The following KNL1 variants were observed in gnomAD, a reference collection of about 807,000 sequenced individuals.
KNL1 encodes the protein kinetochore scaffold 1.
A neutral mutation model predicts 201.3 loss-of-function variants in KNL1; 66 were observed. The observed-to-expected ratio is 0.33, with a 90% CI of 0.27 to 0.40. The LOEUF is 0.40. Ranked by LOEUF, KNL1 falls within the 10% of genes least tolerant of loss-of-function variation. KNL1 has a pLI of 1.00. For missense variants in KNL1, 2,815 were observed against 2,690.5 expected, an observed-to-expected ratio of 1.05 and a Z score of -1.02; for synonymous variants, 895 against 899.2, an observed-to-expected ratio of 1.00 and a Z score of 0.08.
chr15:40,620,594 A>G (rs777239474), intron 9 of KNL1, 46 bp from the exon 10 acceptor site: 1 of 1,304,486 alleles, frequency 7.7e-7, no homozygotes, highest in Non-Finnish European at 1.0e-6. Flanking sequence ...TGCCTTTTTA[A>G]AAGTTTGCTT....
chr15:40,630,408 A>G (rs1431299992), intron 13 of KNL1, among the ~76,000 whole-genome samples: 1 of 152,220 alleles, frequency 6.6e-6, no homozygotes, highest in Non-Finnish European at 1.5e-5. Context: ...GAACCAAAAC[A>G]TTCTGAGATT....
At chr15:40,615,283 G>T in intron 7 of KNL1, 58 bp from the exon 8 acceptor site, 1 of 520,368 alleles carries the variant, frequency 1.9e-6, no homozygotes, top group South Asian at 1.9e-5. Flanking sequence ...AGCTGTTATT[G>T]AAAGATTCTT....
At chr15:40,615,464 A>C in intron 8 of KNL1, 86 bp downstream of exon 8, 1 of 356,940 alleles carries the variant, frequency 2.8e-6, no homozygotes, top group East Asian at 1.0e-4. Flanking sequence ...AGAAACCATG[A>C]ACCACGAAAA....
In KNL1 at chr15:40,663,038, A is replaced by G. The variant is rs1175034196; in HGVS notation, c.*850A>G. The G allele has an allele frequency of 5.7e-6, 1 of 175,674 alleles. No individual in the cohort carries two copies. Among genetic ancestry groups the G allele is most frequent in the African/African-American group, 2.4e-5 (1 of 42,114 alleles). The allele number at this position is 175,674 out of a possible 1,614,324, so 10.9% of individuals were successfully genotyped here. A position where few individuals can be genotyped will look rare whatever the true frequency, so the allele number is the denominator to read the frequency against. ...TCTTTTTTTGAAGGCCTTGCTTTTT[A>G]TTCTATGGTGTCTATTATGTTTTCT... is the stretch of plus-strand genomic sequence containing the variant. On this transcript the variant is annotated 3_prime_UTR_variant, in exon 26 of 26. Transcript: ENST00000399668.
rs1892622956 is a variant in KNL1, at chr15:40,623,530, C to T, written c.3266C>T (p.Thr1089Ile). Residue 1089 changes from threonine to isoleucine, a missense_variant, in exon 10 of 26, where the codon ACC (threonine) becomes ATC (isoleucine). Thr to Ile is a moderately conservative substitution (Grantham distance 89). Coordinates refer to ENST00000399668, the MANE Select transcript of KNL1 (RefSeq NM_144508.5). ...SENHKNDMDITQSCMVEIDNE... is the reference protein window; with the variant it reads ...SENHKNDMDIIQSCMVEIDNE... ...AATCATAAAAATGATATGGATATTA[C>T]CCAGAGTTGTATGGTGGAAATAGAT... The T allele has an allele frequency of 1.9e-6, 3 of 1,613,468 alleles. No homozygotes were observed. Among genetic ancestry groups the T allele is most frequent in the Non-Finnish European group, 2.5e-6 (3 of 1,179,816 alleles).
intron 10 of KNL1, 146 bp from the exon 11 acceptor site, chr15:40,627,924 T>G: frequency 1.7e-6 from 1 of 573,742 alleles, no homozygotes; most frequent in Non-Finnish European, 2.9e-6. Context: ...GCTTAAGATG[T>G]TTGTTACTTA....
chr15:40,662,244 G>T lies in KNL1; in HGVS notation c.*56G>T, dbSNP rs1233651676. On this transcript the variant is annotated 3_prime_UTR_variant, in exon 26 of 26. Transcript: ENST00000399668. ...AGAATGTACTTGATATTATTTCAGG[G>T]TCCCATTGCTGTTCAGCCTTTGTTT... is the stretch of plus-strand genomic sequence containing the variant. The T allele has an allele frequency of 2.0e-5, 20 of 977,402 alleles. No individual in the cohort carries two copies. In the East Asian group the frequency reaches 2.2e-4, roughly 11 times the overall value. 60.5% of individuals were successfully genotyped at this position (977,402 alleles called of 1,614,324 possible).
At position 40,662,185 on chromosome 15, in the gene KNL1, C is replaced by T; in HGVS notation, c.6948C>T (p.His2316=). 6.4e-7 allele frequency: 1 copy of T among 1,555,648 alleles called. No individual in the cohort carries two copies. The highest frequency in any genetic ancestry group is 8.9e-7 in the Non-Finnish European group (1 of 1,127,386). ...TGTTTCAGGACTGCCATTTCTACCA[C>T]TAGACCCTTGGACCACCATTGGAAC... ...QDLFQDCHFY[H] is the part of the protein sequence containing the mutation. The change falls in exon 26 of 26, where the codon CAC becomes CAT. Residue 2316 remains histidine, a synonymous_variant. Coordinates refer to ENST00000399668, the MANE Select transcript of KNL1 (RefSeq NM_144508.5).
At chr15:40,605,793 A>G (rs1211199301) in intron 3 of KNL1, among the ~76,000 whole-genome samples, 1 of 152,144 alleles carries the variant, frequency 6.6e-6, no homozygotes, top group Non-Finnish European at 1.5e-5. Context: ...TGATACTAAA[A>G]AATCCAACGA....
rs746654478 is a variant in KNL1 at position 40,622,060 on chromosome 15, G to C, written c.1796G>C (p.Ser599Thr). The change falls in exon 10 of 26, where the codon AGT (serine) becomes ACT (threonine). Residue 599 changes from serine to threonine, a missense_variant. Physicochemically the swap from Ser to Thr is moderately conservative, Grantham distance 58. Coordinates refer to ENST00000399668, the MANE Select transcript of KNL1 (RefSeq NM_144508.5). ...AAYNLAPEST[S>T]ESHSQSKSSS... The stretch of plus-strand genomic sequence containing the variant: ...TATAATCTAGCACCGGAGAGTACCA[G>C]TGAATCTCACTCTCAGAGCAAAAGC... 4 of 1,613,844 alleles carry C rather than the reference G, an allele frequency of 2.5e-6. No homozygotes were observed. In the East Asian group the frequency reaches 6.7e-5, roughly 27 times the overall value.
At chr15:40,606,971 G>A (rs753969171) in intron 4 of KNL1, among the ~76,000 whole-genome samples, 3 of 152,092 alleles carry the variant, frequency 2.0e-5, no homozygotes, top group East Asian at 1.9e-4. Context: ...GTTGCCCCAC[G>A]CTGGTCTTGA....
intron 17 of KNL1, among the ~76,000 whole-genome samples, chr15:40,649,800 A>C (rs1893499466): frequency 6.6e-6 from 1 of 152,034 alleles, no homozygotes; most frequent in African/African-American, 2.4e-5. Flanking sequence ...ACTACATACT[A>C]CGTTCTCTTT....
At position 40,624,184 on chromosome 15, in the gene KNL1, A is replaced by G; in HGVS notation, c.3920A>G (p.Asn1307Ser). 6.2e-7 allele frequency: 1 copy of G among 1,613,970 alleles called. No homozygotes were observed. Among genetic ancestry groups the G allele is most frequent in the Non-Finnish European group, 8.5e-7 (1 of 1,179,940 alleles). ...AGTGATAATTATTCCTGTTTACCAAATGTTATTTCCTGTACTGATAATTTG... is the reference window on the plus strand; with the variant it reads ...AGTGATAATTATTCCTGTTTACCAAGTGTTATTTCCTGTACTGATAATTTG... ...GSSDNYSCLP[N>S]VISCTDNLEG... Residue 1307 changes from asparagine (N) to serine (S), a missense_variant, in exon 10 of 26, where the codon AAT becomes AGT. Asn to Ser is a conservative substitution (Grantham distance 46). Coordinates refer to ENST00000399668, the MANE Select transcript of KNL1 (RefSeq NM_144508.5).
chr15:40,622,515 A>C lies in KNL1; in HGVS notation c.2251A>C (p.Lys751Gln), dbSNP rs1187214406. Residue 751 changes from lysine to glutamine, a missense_variant, in exon 10 of 26, where the codon AAG (lysine) becomes CAG (glutamine). Lys to Gln is a moderately conservative substitution (Grantham distance 53). Coordinates refer to ENST00000399668, the MANE Select transcript of KNL1 (RefSeq NM_144508.5). ...TCCCACACCTGACTATTGCCATGAC[A>C]AGATGATTATATGTTCAGAGGAAGA... ...SNPTPDYCHD[K>Q]MIICSEEEQN... 1 of 1,614,030 alleles carries C rather than the reference A, an allele frequency of 6.2e-7. No homozygotes were observed. Among genetic ancestry groups the C allele is most frequent in the Admixed American group, 1.7e-5 (1 of 60,010 alleles).
At chr15:40,605,006 A>G (rs1891927455) in intron 2 of KNL1, 104 bp from the exon 3 acceptor site, 3 of 662,808 alleles carry the variant, frequency 4.5e-6, no homozygotes, top group Middle Eastern at 3.9e-4. Context: ...TGCTAAGAGA[A>G]AGTGATGACC....
intron 1 of KNL1, among the ~76,000 whole-genome samples, chr15:40,595,901 A>T (rs1423904721): frequency 1.3e-5 from 2 of 152,220 alleles, no homozygotes; most frequent in Non-Finnish European, 2.9e-5. Context: ...TATCGGTCGT[A>T]TAAATGTAGG....
Position 40,621,998 on chromosome 15 carries a change from C to A in KNL1, c.1734C>A (p.His578Gln). ...AAAATATGGATTTGACTGAAAGTCA[C>A]ACAAGTAACTTAGGAAGTCAGGTTC... The part of the protein sequence containing the change: ...SGENMDLTES[H>Q]TSNLGSQVPL... Residue 578 changes from histidine to glutamine, a missense_variant, in exon 10 of 26, where the codon CAC becomes CAA. By Grantham distance (24) the His-to-Gln change is conservative. Around this residue, in one of 3 missense-constraint regions of KNL1, gnomAD observed 2,464 missense variants for 2,291.7 expected, o/e 1.08. Transcript: ENST00000399668. The A allele has an allele frequency of 6.2e-7, 1 of 1,614,020 alleles. No individual in the cohort carries two copies. The highest frequency in any genetic ancestry group is 8.5e-7 in the Non-Finnish European group (1 of 1,179,960).
chr15:40,634,802 G>A (rs1257972616), intron 13 of KNL1, among the ~76,000 whole-genome samples: 1 of 152,186 alleles, frequency 6.6e-6, no homozygotes, highest in Admixed American at 6.5e-5. Flanking sequence ...GAAGGAGGGA[G>A]AGGATGCTTT....
intron 25 of KNL1, among the ~76,000 whole-genome samples, chr15:40,661,165 T>G (rs12913697): frequency 0.39 from 58,932 of 151,240 alleles, 11,631 homozygotes; most frequent in Middle Eastern, 0.48. Flanking sequence ...CTTGAGGCCA[T>G]GAGTTTGACA....
Sources: gnomAD v4.1 joint callset for allele counts (sites outside exome capture counted in the v4.1 genomes callset) on GRCh38, gnomAD v4.1.1 for gene constraint, gnomAD v4.1.1 regional missense constraint, MANE v1.5 for transcripts, NCBI Gene and HGNC (gene_info 2026-07-23, HGNC 2026-07-21) for gene names.